The following MACROD1 variants were observed in gnomAD, a reference collection of about 807,000 sequenced individuals.
MACROD1 encodes the protein mono-ADP ribosylhydrolase 1, also known as ADP-ribose glycohydrolase MACROD1.
MACROD1 carries 31 observed loss-of-function variants against 41.4 expected under a neutral mutation model. The ratio of observed to expected loss-of-function variants is 0.75; its 90% confidence interval spans 0.56 to 1.01. MACROD1 has a LOEUF of 1.01. MACROD1 is among the 50% of genes least tolerant of loss of function. MACROD1 has a pLI of 0.00. For synonymous variants in MACROD1, 252 were observed against 203.4 expected (o/e 1.24, Z -2.03); for missense variants, 473 against 460.0 (o/e 1.03, Z -0.26).
At chr11:64,047,713 G>A (rs1011544529) in intron 3 of MACROD1, among the ~76,000 whole-genome samples, 6 of 151,836 alleles carry the variant, frequency 4.0e-5, no homozygotes, top group Non-Finnish European at 5.9e-5. Flanking sequence ...CCTGGCCAAC[G>A]TGGTGAAACC....
At position 64,036,564 on chromosome 11, in the gene MACROD1, G is replaced by A. The variant is rs1210090750; in HGVS notation, c.518-21283C>T. Among the ~76,000 whole-genome samples, 2 of 152,178 alleles carry A rather than the reference G, an allele frequency of 1.3e-5. No homozygotes were observed. Among genetic ancestry groups the A allele is most frequent in the Admixed American group, 1.3e-4 (2 of 15,292 alleles). On this transcript the variant is annotated intron_variant, in intron 3 of 10. Transcript: ENST00000255681. The surrounding 1 kb of genome is among the most constrained non-coding windows in gnomAD (Gnocchi z 5.6). ...TCCCAGCTCCCGCACTCGGGAACCG[G>A]AGGAGGGCGCGCGGCCAGGGACAGC... is the stretch of plus-strand genomic sequence containing the variant.
chr11:64,040,057 A>G (rs1045945779), intron 3 of MACROD1, among the ~76,000 whole-genome samples: 1 of 152,130 alleles, frequency 6.6e-6, no homozygotes, highest in African/African-American at 2.4e-5. Context: ...CATTCTTGAG[A>G]TAATCATTGA....
At chr11:64,053,683 G>A (rs1176264018) in intron 3 of MACROD1, among the ~76,000 whole-genome samples, 2 of 152,180 alleles carry the variant, frequency 1.3e-5, no homozygotes, top group Non-Finnish European at 2.9e-5. Context: ...CTGCCTGGGG[G>A]AAGGGGCTTA....
chr11:64,045,125 G>T (rs1943559751), intron 3 of MACROD1, among the ~76,000 whole-genome samples: 1 of 152,144 alleles, frequency 6.6e-6, no homozygotes, highest in Non-Finnish European at 1.5e-5. Context: ...ATGTGCTTCT[G>T]CCTCGGCCGA....
intron 3 of MACROD1, among the ~76,000 whole-genome samples, chr11:64,121,695 G>A (rs1426824836): frequency 6.6e-6 from 1 of 152,208 alleles, no homozygotes; most frequent in Non-Finnish European, 1.5e-5. Flanking sequence ...GCCAACCCCA[G>A]CCTGTCTAAA....
At chr11:64,124,857 TTA>T (rs1241623207) in intron 3 of MACROD1, among the ~76,000 whole-genome samples, 1 of 152,138 alleles carries the variant, frequency 6.6e-6, no homozygotes, top group East Asian at 1.9e-4. Context: ...ATTTTGCATT[TTA>T]AGTAGAGACA....
intron 3 of MACROD1, among the ~76,000 whole-genome samples, chr11:64,092,896 T>C (rs1486941935): frequency 6.6e-6 from 1 of 152,242 alleles, no homozygotes; most frequent in Non-Finnish European, 1.5e-5. Flanking sequence ...CAAACTTCAA[T>C]TGGCATCTTT....
intron 4 of MACROD1, among the ~76,000 whole-genome samples, chr11:64,010,710 TGTTG>T (rs1166226642): frequency 1.9e-4 from 29 of 148,770 alleles, no homozygotes; most frequent in African/African-American, 7.2e-4. Context: ...TTGGCTGGCA[TGTTG>T]GTTGGGGTGT....
Position 64,067,569 on chromosome 11 carries a change from G to A in MACROD1, c.518-52288C>T, listed in dbSNP as rs61489630. On this transcript the variant is annotated intron_variant, in intron 3 of 10. Transcript: ENST00000255681. This position sits in a 1 kb window ranked among gnomAD's most constrained non-coding sequence, Gnocchi z 4.6. The stretch of plus-strand genomic sequence containing the variant: ...GCTCAGGGACCCAAAGCAGGGACCA[G>A]GACCCAGGCTTGTCTCCCTCCTGTC... 2.5e-3 allele frequency among the ~76,000 whole-genome samples: 379 copies of A among 152,152 alleles called. 1 individual carries two copies. Among genetic ancestry groups the A allele is most frequent in the African/African-American group, 8.5e-3 (352 of 41,516 alleles).
At chr11:64,010,090 TTGGGGTGTTGGTTGGGGGGTTGGC>T (rs1312064654) in intron 4 of MACROD1, among the ~76,000 whole-genome samples, 8 of 71,304 alleles carry the variant, frequency 1.1e-4, no homozygotes, top group African/African-American at 1.6e-4. Context: ...AGGGTGTTGG[TTGGGGTGTTGGTTGGGGGGTTGGC>T]TGGGGTGTTG....
At chr11:64,019,418 C>G (rs531975222) in intron 3 of MACROD1, among the ~76,000 whole-genome samples, 4 of 152,248 alleles carry the variant, frequency 2.6e-5, no homozygotes, top group Admixed American at 2.6e-4. Flanking sequence ...CCCGGCCCTC[C>G]TCTGCCCCAG....
In MACROD1 at chr11:64,146,862, G is replaced by A. The variant is rs1357985496; in HGVS notation, c.517+4377C>T. ...ACACACTCTATCACACACACCCCACGCATCACACAAGCACAGACACAAACA... is the reference window on the plus strand; with the variant it reads ...ACACACTCTATCACACACACCCCACACATCACACAAGCACAGACACAAACA... On this transcript the variant is annotated intron_variant, in intron 3 of 10. Coordinates refer to ENST00000255681, the MANE Select transcript of MACROD1 (RefSeq NM_014067.4). The surrounding 1 kb of genome is among the most constrained non-coding windows in gnomAD (Gnocchi z 4.7). 5.7e-5 allele frequency among the ~76,000 whole-genome samples: 8 copies of A among 141,244 alleles called. No homozygotes were observed. Among genetic ancestry groups the A allele is most frequent in the South Asian group, 4.7e-4 (2 of 4,264 alleles). 92.7% of individuals were successfully genotyped at this position (141,244 alleles called of 152,430 possible).
At chr11:64,098,291 G>A (rs556698756) in intron 3 of MACROD1, among the ~76,000 whole-genome samples, 12 of 152,134 alleles carry the variant, frequency 7.9e-5, no homozygotes, top group Non-Finnish European at 1.3e-4. Context: ...GCTTCAGCTC[G>A]GATCACGGCC....
intron 3 of MACROD1, among the ~76,000 whole-genome samples, chr11:64,055,801 T>C (rs1943775005): frequency 1.3e-5 from 2 of 152,240 alleles, no homozygotes; most frequent in South Asian, 4.1e-4. Context: ...GGATGCTGGT[T>C]TGTGGGATTC....
intron 3 of MACROD1, among the ~76,000 whole-genome samples, chr11:64,017,089 C>T (rs1028224399): frequency 6.6e-6 from 1 of 152,216 alleles, no homozygotes; most frequent in East Asian, 1.9e-4. Flanking sequence ...CCTGCCTCAG[C>T]CTCCTGAGTA....
chr11:64,007,836 T>C (rs1273915053), intron 4 of MACROD1, among the ~76,000 whole-genome samples: 1 of 152,174 alleles, frequency 6.6e-6, no homozygotes, highest in Non-Finnish European at 1.5e-5. Context: ...TCCGGCTGCC[T>C]GCTGCTTCTG....
intron 3 of MACROD1, among the ~76,000 whole-genome samples, chr11:64,028,880 A>C (rs927456964): frequency 5.9e-5 from 9 of 151,940 alleles, no homozygotes; most frequent in Non-Finnish European, 1.3e-4. Context: ...TGGGCTTAGG[A>C]CACTCTTTCT....
Position 64,165,950 on chromosome 11 carries a change from G to A in MACROD1, c.45C>T (p.Arg15=). The part of the protein sequence containing the change: ...SRLSGRLAQL[R]AAGQLLVPPR... Reference sequence around the variant, plus strand: ...GGGGGACGAGCAGCTGCCCCGCCGCGCGCAGCTGTGCCAGGCGGCCGGACA... The same window carrying A: ...GGGGGACGAGCAGCTGCCCCGCCGCACGCAGCTGTGCCAGGCGGCCGGACA... Residue 15 remains arginine, a synonymous_variant, in exon 1 of 11, where the codon CGC becomes CGT. Transcript: ENST00000255681. 2 of 1,307,446 alleles carry A rather than the reference G, an allele frequency of 1.5e-6. No individual in the cohort carries two copies. Among genetic ancestry groups the A allele is most frequent in the Non-Finnish European group, 1.9e-6 (2 of 1,035,030 alleles). The allele number at this position is 1,307,446 out of a possible 1,614,324, so 81.0% of individuals were successfully genotyped here. A position where few individuals can be genotyped will look rare whatever the true frequency, so the allele number is the denominator to read the frequency against.
In MACROD1 at chr11:63,998,950, C is replaced by A. The variant is rs750366557; in HGVS notation, c.973+5G>T. On this transcript the variant is annotated splice_donor_5th_base_variant and intron_variant, in intron 9 of 10. Coordinates refer to ENST00000255681, the MANE Select transcript of MACROD1 (RefSeq NM_014067.4). Reference sequence around the variant, plus strand: ...GCGGGCCGTGGGGCGGCGCGGGGCACGTACCCACGGGGAAGTAGTGGGGGA... The same window carrying A: ...GCGGGCCGTGGGGCGGCGCGGGGCAAGTACCCACGGGGAAGTAGTGGGGGA... The A allele has an allele frequency of 6.3e-7, 1 of 1,589,738 alleles. No homozygotes were observed. The highest frequency in any genetic ancestry group is 1.1e-5 in the South Asian group (1 of 87,056).
Sources: allele counts gnomAD v4.1 joint callset (sites outside exome capture counted in the v4.1 genomes callset), GRCh38; gene constraint gnomAD v4.1.1; non-coding constraint Gnocchi (gnomAD v3.1); transcripts MANE v1.5; gene names NCBI Gene and HGNC (gene_info 2026-07-23, HGNC 2026-07-21).